Variants in CLIP4 observed in about 807,000 individuals in gnomAD.
The protein encoded by CLIP4 is CAP-Gly domain-containing linker protein 4.
CLIP4 carries 47 observed loss-of-function variants against 73.1 expected under a neutral mutation model. The observed-to-expected ratio is 0.64, with a 90% confidence interval of 0.51 to 0.82. The LOEUF (loss-of-function observed/expected upper bound fraction) is 0.82, where lower values mean the gene tolerates loss of function less well. Among genes scored for constraint, CLIP4 ranks in the 40% least tolerant of loss-of-function variants. CLIP4 has a pLI of 0.00. For synonymous variants in CLIP4, 306 were observed against 295.4 expected, an observed-to-expected ratio of 1.04 and a Z score of -0.37; for missense variants, 874 against 852.9, an observed-to-expected ratio of 1.02 and a Z score of -0.31.
At chr2:29,138,816 T>C (rs1219180932) in intron 6 of CLIP4, among the ~76,000 whole-genome samples, 1 of 152,164 alleles carries the variant, frequency 6.6e-6, no homozygotes, top group African/African-American at 2.4e-5. Flanking sequence ...TATTGGTGTA[T>C]AGAAATGCTA....
chr2:29,105,009 C>T (rs1332493508), intron 1 of CLIP4, among the ~76,000 whole-genome samples: 3 of 152,004 alleles, frequency 2.0e-5, no homozygotes. Context: ...CTGCTTTTGT[C>T]CAATGGGCAC....
At chr2:29,130,114 CAA>C (rs1572902486) in intron 2 of CLIP4, 2 of 469,938 alleles carry the variant, frequency 4.3e-6, no homozygotes, top group East Asian at 1.4e-4. Context: ...AGCTCAGATT[CAA>C]AAGAGACTTA....
At chr2:29,103,737 G>A (rs960880637) in intron 1 of CLIP4, among the ~76,000 whole-genome samples, 5 of 151,486 alleles carry the variant, frequency 3.3e-5, no homozygotes, top group Non-Finnish European at 4.4e-5. Context: ...TTTTGAGATG[G>A]AGTTTTGCTC....
At chr2:29,136,816 T>C (rs1354272689) in intron 6 of CLIP4, among the ~76,000 whole-genome samples, 1 of 152,054 alleles carries the variant, frequency 6.6e-6, no homozygotes, top group Non-Finnish European at 1.5e-5. Context: ...CTTTTGTTGG[T>C]ACAGCTGTTG....
At chr2:29,132,717 T>C (rs1046984731) in intron 4 of CLIP4, 4 of 153,428 alleles carry the variant, frequency 2.6e-5, no homozygotes, top group African/African-American at 9.6e-5. Context: ...TATATTGTGA[T>C]TGTCTCTCCT....
chr2:29,109,136 C>T (rs1017118919), intron 1 of CLIP4, among the ~76,000 whole-genome samples: 18 of 152,184 alleles, frequency 1.2e-4, no homozygotes, highest in East Asian at 3.9e-4. Flanking sequence ...GGTCAGAGTC[C>T]GTTTCAGTGG....
chr2:29,120,342 G>A (rs1032137587), intron 1 of CLIP4, among the ~76,000 whole-genome samples: 4 of 152,150 alleles, frequency 2.6e-5, no homozygotes, highest in Admixed American at 2.6e-4. Flanking sequence ...ACAACAGTGA[G>A]CTCAATGAAA....
At chr2:29,137,323 C>T (rs1665439133) in intron 6 of CLIP4, among the ~76,000 whole-genome samples, 1 of 152,050 alleles carries the variant, frequency 6.6e-6, no homozygotes. Context: ...GGATAATGGC[C>T]TCTAGTTGCA....
At chr2:29,129,407 A>G (rs1664820256) in intron 2 of CLIP4, among the ~76,000 whole-genome samples, 1 of 151,992 alleles carries the variant, frequency 6.6e-6, no homozygotes, top group Non-Finnish European at 1.5e-5. Flanking sequence ...ACTTGTTTTT[A>G]CTTATGTCTA....
chr2:29,174,086 C>T (rs980440061), intron 14 of CLIP4, among the ~76,000 whole-genome samples: 28 of 151,914 alleles, frequency 1.8e-4, no homozygotes, highest in Admixed American at 6.6e-4. Flanking sequence ...TCTAAACTAC[C>T]GTTATATTCT....
intron 6 of CLIP4, among the ~76,000 whole-genome samples, chr2:29,140,820 C>T (rs1431007979): frequency 6.6e-6 from 1 of 152,192 alleles, no homozygotes; most frequent in Non-Finnish European, 1.5e-5. Flanking sequence ...TTGCATTTCT[C>T]TGATAGCCAG....
chr2:29,145,597 C>T (rs1023799044), intron 8 of CLIP4, among the ~76,000 whole-genome samples: 41 of 152,238 alleles, frequency 2.7e-4, no homozygotes, highest in African/African-American at 9.4e-4. Flanking sequence ...GGGACATTTC[C>T]AGGAGGAAAG....
At chr2:29,175,707 C>T (rs1260543104) in intron 15 of CLIP4, 2 of 152,182 alleles carry the variant, frequency 1.3e-5, no homozygotes, top group Non-Finnish European at 2.9e-5. Context: ...CAGGTTAACA[C>T]TAGTCCCTTA....
intron 14 of CLIP4, 189 bp downstream of exon 14, chr2:29,167,729 C>T: frequency 2.3e-6 from 1 of 436,592 alleles, no homozygotes; most frequent in East Asian, 3.6e-5. Flanking sequence ...TGTAGAAACC[C>T]CTGAGTACCC....
intron 13 of CLIP4, among the ~76,000 whole-genome samples, chr2:29,165,050 A>C (rs759267975): frequency 6.6e-6 from 1 of 152,184 alleles, no homozygotes; most frequent in African/African-American, 2.4e-5. Flanking sequence ...CTTTAGATGC[A>C]TACCTCATTA....
At chr2:29,162,880 T>C (rs968403232) in intron 12 of CLIP4, among the ~76,000 whole-genome samples, 8 of 152,240 alleles carry the variant, frequency 5.3e-5, no homozygotes, top group African/African-American at 1.9e-4. Flanking sequence ...ATTAACTCTT[T>C]GAACTAGTAA....
intron 9 of CLIP4, among the ~76,000 whole-genome samples, chr2:29,153,146 A>G (rs1572972136): frequency 1.3e-5 from 2 of 152,170 alleles, no homozygotes; most frequent in East Asian, 3.9e-4. Flanking sequence ...TTGCCTATTG[A>G]AGGATGTTTA....
intron 6 of CLIP4, among the ~76,000 whole-genome samples, chr2:29,142,517 T>A (rs1447689820): frequency 6.6e-6 from 1 of 152,214 alleles, no homozygotes; most frequent in Non-Finnish European, 1.5e-5. Context: ...TACATTAGTG[T>A]AACACATATC....
intron 1 of CLIP4, among the ~76,000 whole-genome samples, chr2:29,117,476 T>C (rs537560965): frequency 6.6e-6 from 1 of 152,204 alleles, no homozygotes; most frequent in East Asian, 1.9e-4. Flanking sequence ...CTCGAGCAGC[T>C]GGGATTACAG....
Sources: gnomAD v4.1 joint callset for allele counts (sites outside exome capture counted in the v4.1 genomes callset) on GRCh38, gnomAD v4.1.1 for gene constraint, MANE v1.5 for transcripts, NCBI Gene and HGNC (gene_info 2026-07-23, HGNC 2026-07-21) for gene names.